The following MCM5 variants were observed in gnomAD, a reference collection of about 807,000 sequenced individuals.
The protein encoded by MCM5 is minichromosome maintenance complex component 5.
In MCM5, 46 loss-of-function variants were observed where a neutral mutation model predicts 79.9. That is an observed-to-expected ratio of 0.58 (90% confidence interval 0.45 to 0.74). The LOEUF (loss-of-function observed/expected upper bound fraction) is 0.74, where lower values mean the gene tolerates loss of function less well. Ranked by LOEUF, MCM5 falls within the 30% of genes least tolerant of loss-of-function variation. The pLI is 0.00. For synonymous variants in MCM5, 404 were observed against 390.5 expected, an observed-to-expected ratio of 1.03 and a Z score of -0.41; for missense variants, 883 against 1,017.0, an observed-to-expected ratio of 0.87 and a Z score of 1.79.
chr22:35,440,925 C>T, the MCM5 span, among the ~76,000 whole-genome samples: 1,363 of 152,168 alleles, frequency 9.0e-3, 18 homozygotes, highest in African/African-American at 0.029. Flanking sequence ...GGTGTGGTGG[C>T]GCATGCCTGT....
chr22:35,416,511 CTGTGTGTGTGTGTGTGTG>C (rs133421), intron 11 of MCM5, 107 bp downstream of exon 11: 45,706 of 1,023,340 alleles, frequency 0.045, 2,048 homozygotes, highest in African/African-American at 0.23. Flanking sequence ...GGCCTAGAAT[CTGTGTGTGTGTGTGTGTG>C]TGTGTGTGTG....
At chr22:35,439,489 A>G in the MCM5 span, among the ~76,000 whole-genome samples, 1 of 144,066 alleles carries the variant, frequency 6.9e-6, no homozygotes, top group African/African-American at 2.6e-5. Context: ...TCATCCATCC[A>G]TCCACCCGCC....
In MCM5 at chr22:35,405,972, T is replaced by C. The variant is rs1366614744; in HGVS notation, c.424-581T>C. Among the ~76,000 whole-genome samples the C allele has an allele frequency of 2.0e-5, 3 of 151,472 alleles. No homozygotes were observed. In the East Asian group the frequency reaches 5.9e-4, roughly 30 times the overall value. On this transcript the variant is annotated intron_variant, in intron 4 of 16. Transcript: ENST00000216122. ...GTTGCAGTAAGCCGAGATCCTGCCA[T>C]TGCACTCCAGCCTTGGCGACACAGC... is the stretch of plus-strand genomic sequence containing the variant.
the MCM5 span, among the ~76,000 whole-genome samples, chr22:35,442,635 T>G: frequency 7.9e-5 from 12 of 152,176 alleles, no homozygotes; most frequent in African/African-American, 2.9e-4. Flanking sequence ...CCTCCCACCC[T>G]CTGGACCTGT....
rs369168183 is a variant in MCM5 at position 35,416,355 on chromosome 22, G to A, written c.1364G>A (p.Arg455His). The change falls in exon 11 of 17, where the codon CGT becomes CAT. Residue 455 changes from arginine to histidine, a missense_variant. Around this residue, in one of 3 missense-constraint regions of MCM5, gnomAD observed 426 missense variants for 482.3 expected, o/e 0.88. Coordinates refer to ENST00000216122, the MANE Select transcript of MCM5 (RefSeq NM_006739.4). Reference protein sequence around the residue: ...DEFDKMREDDRVAIHEAMEQQ... With the variant: ...DEFDKMREDDHVAIHEAMEQQ... The stretch of plus-strand genomic sequence containing the variant: ...CCCACTTAGATGCGAGAAGATGACC[G>A]TGTGGCAATCCACGAAGCCATGGAG... 1.1e-5 allele frequency: 18 copies of A among 1,613,644 alleles called. No homozygotes were observed. The highest frequency in any genetic ancestry group is 1.7e-5 in the Admixed American group (1 of 59,960).
chr22:35,443,531 G>A, the MCM5 span, among the ~76,000 whole-genome samples: 1 of 152,180 alleles, frequency 6.6e-6, no homozygotes, highest in Non-Finnish European at 1.5e-5. Flanking sequence ...TCAGGGCCAC[G>A]CCAGTGCTGC....
chr22:35,441,417 T>C, the MCM5 span, among the ~76,000 whole-genome samples: 13 of 152,330 alleles, frequency 8.5e-5, no homozygotes, highest in East Asian at 2.3e-3. Flanking sequence ...TTGCAGGCTC[T>C]CTGGGTGCCC....
At chr22:35,415,328 C>T (rs1007281852) in intron 9 of MCM5, among the ~76,000 whole-genome samples, 26 of 152,214 alleles carry the variant, frequency 1.7e-4, no homozygotes, top group African/African-American at 6.3e-4. Flanking sequence ...TTCTTAGGAG[C>T]TCTGAGTCTT....
At chr22:35,454,782 T>A in the MCM5 span, among the ~76,000 whole-genome samples, 3 of 152,186 alleles carry the variant, frequency 2.0e-5, no homozygotes, top group African/African-American at 7.2e-5. Context: ...CTTCTCGGCC[T>A]CTGCACTGTG....
chr22:35,448,715 C>T, the MCM5 span, among the ~76,000 whole-genome samples: 1 of 152,202 alleles, frequency 6.6e-6, no homozygotes, highest in African/African-American at 2.4e-5. Flanking sequence ...AATAATGCCA[C>T]AAACGAACAC....
At chr22:35,426,951 A>AT (rs376049527), downstream of MCM5, among the ~76,000 whole-genome samples, 15 of 152,212 alleles carry the variant, frequency 9.9e-5, no homozygotes, top group African/African-American at 3.6e-4. Flanking sequence ...AAGCTTGCTC[A>AT]TGATGGAGTC....
the MCM5 span, among the ~76,000 whole-genome samples, chr22:35,453,819 T>TATATATATAGAGAGAGAGAGAG: frequency 2.5e-5 from 2 of 81,548 alleles, no homozygotes; most frequent in African/African-American, 1.2e-4. Flanking sequence ...TATATATATA[T>TATATATATAGAGAGAGAGAGAG]AGAGAGAGAG....
chr22:35,430,067 G>A (rs1276295482), downstream of MCM5, among the ~76,000 whole-genome samples: 1 of 152,210 alleles, frequency 6.6e-6, no homozygotes, highest in Non-Finnish European at 1.5e-5. Flanking sequence ...AAAATGGGGG[G>A]AATAAAAGCC....
rs750852879 is a variant in MCM5 at position 35,417,769 on chromosome 22, T to G, written c.1616T>G (p.Leu539Arg). Reference sequence around the variant, plus strand: ...ATGCTGGCCAAGCATGTCATCACTCTGCACGTGAGCGCACTGACACAGACA... The same window carrying G: ...ATGCTGGCCAAGCATGTCATCACTCGGCACGTGAGCGCACTGACACAGACA... ...DVMLAKHVIT[L>R]HVSALTQTQA... Residue 539 changes from leucine to arginine, a missense_variant, in exon 13 of 17, where the codon CTG becomes CGG. By Grantham distance (102) the Leu-to-Arg change is moderately radical. Coordinates refer to ENST00000216122, the MANE Select transcript of MCM5 (RefSeq NM_006739.4). The G allele has an allele frequency of 6.2e-7, 1 of 1,614,168 alleles. No individual in the cohort carries two copies. Among genetic ancestry groups the G allele is most frequent in the South Asian group, 1.1e-5 (1 of 91,082 alleles).
the MCM5 span, among the ~76,000 whole-genome samples, chr22:35,434,260 G>GA: frequency 3.9e-3 from 568 of 147,356 alleles, 1 homozygote; most frequent in Non-Finnish European, 6.3e-3. Flanking sequence ...TAATATGCTT[G>GA]AAAAAAAAAA....
chr22:35,452,509 C>T, the MCM5 span, among the ~76,000 whole-genome samples: 45 of 152,166 alleles, frequency 3.0e-4, no homozygotes, highest in East Asian at 3.9e-4. Context: ...CGTTCCTCCA[C>T]GGTAAAGTGA....
the MCM5 span, among the ~76,000 whole-genome samples, chr22:35,451,479 C>G: frequency 6.6e-6 from 1 of 152,228 alleles, no homozygotes; most frequent in Non-Finnish European, 1.5e-5. Context: ...TTGTTTCTGA[C>G]AATTATTGAT....
At chr22:35,430,809 C>CT in the MCM5 span, among the ~76,000 whole-genome samples, 67,883 of 139,114 alleles carry the variant, frequency 0.49, 16,627 homozygotes, top group Non-Finnish European at 0.51. Context: ...TGTACCCAGC[C>CT]TTTTTTTTTT....
At chr22:35,428,107 G>A (rs1436169659), downstream of MCM5, among the ~76,000 whole-genome samples, 1 of 147,578 alleles carries the variant, frequency 6.8e-6, no homozygotes, top group Non-Finnish European at 1.5e-5. Flanking sequence ...TGCAACCTCC[G>A]CCTCCCAGGA....
Sources: gnomAD v4.1 joint callset for allele counts (sites outside exome capture counted in the v4.1 genomes callset) on GRCh38, gnomAD v4.1.1 for gene constraint, gnomAD v4.1.1 regional missense constraint, MANE v1.5 for transcripts, NCBI Gene and HGNC (gene_info 2026-07-23, HGNC 2026-07-21) for gene names.